Variants in GALNT18 observed in about 807,000 individuals in gnomAD.
GALNT18 encodes polypeptide N-acetylgalactosaminyltransferase 18.
A neutral mutation model predicts 69.5 loss-of-function variants in GALNT18; 44 were observed. The ratio of observed to expected loss-of-function variants is 0.63; its 90% CI spans 0.50 to 0.81. GALNT18 has a LOEUF of 0.81. Ranked by LOEUF, GALNT18 falls within the 40% of genes least tolerant of loss-of-function variation. GALNT18 has a pLI of 0.00. For missense variants in GALNT18, 715 were observed against 810.0 expected (o/e 0.88, Z 1.42); for synonymous variants, 364 against 318.2 (o/e 1.14, Z -1.53).
intron 3 of GALNT18, among the ~76,000 whole-genome samples, chr11:11,414,193 T>G (rs1854799251): frequency 6.6e-6 from 1 of 152,232 alleles, no homozygotes; most frequent in South Asian, 2.1e-4. Flanking sequence ...CAGATGATTT[T>G]CCTGTGGCTA....
chr11:11,551,873 G>A (rs1276322246), intron 1 of GALNT18, among the ~76,000 whole-genome samples: 2 of 152,106 alleles, frequency 1.3e-5, no homozygotes, highest in East Asian at 1.9e-4. Context: ...CGAGCAGGGG[G>A]TGGATCTCAC....
intron 1 of GALNT18, among the ~76,000 whole-genome samples, chr11:11,612,428 G>C (rs765663330): frequency 6.6e-6 from 1 of 152,098 alleles, no homozygotes; most frequent in South Asian, 2.1e-4. Flanking sequence ...CTCATTTGTC[G>C]CTTCAAATCT....
rs186424944 is a variant in GALNT18, at chr11:11,402,424, C to T, written c.596-23160G>A. Among the ~76,000 whole-genome samples the T allele has an allele frequency of 6.6e-6, 1 of 152,350 alleles. No homozygotes were observed. The highest frequency in any genetic ancestry group is 6.5e-5 in the Admixed American group (1 of 15,310). The stretch of plus-strand genomic sequence containing the variant: ...ACTGCTTTTATCTTATTGAACCAGG[C>T]TTTGATGGTGGGTGGCTTCCTCTGA... On this transcript the variant is annotated intron_variant, in intron 3 of 10. Transcript: ENST00000227756. This position sits in a 1 kb window ranked among gnomAD's most constrained non-coding sequence, Gnocchi z 4.0.
Position 11,382,085 on chromosome 11 carries a change from G to A in GALNT18, c.596-2821C>T, listed in dbSNP as rs777854599. Among the ~76,000 whole-genome samples the A allele has an allele frequency of 7.2e-5, 11 of 152,182 alleles. No homozygotes were observed. The highest frequency in any genetic ancestry group is 1.3e-4 in the Non-Finnish European group (9 of 68,030). Reference sequence around the variant, plus strand: ...AGGAGCTACTTGCCTCTTTGTACCTGCGAGCTCTGTTAACACTGAGCTAGA... The same window carrying A: ...AGGAGCTACTTGCCTCTTTGTACCTACGAGCTCTGTTAACACTGAGCTAGA... On this transcript the variant is annotated intron_variant, in intron 3 of 10. Transcript: ENST00000227756. The surrounding 1 kb of genome is among the most constrained non-coding windows in gnomAD (Gnocchi z 4.3).
chr11:11,409,985 C>T (rs1343759397), intron 3 of GALNT18, among the ~76,000 whole-genome samples: 4 of 152,218 alleles, frequency 2.6e-5, no homozygotes, highest in Non-Finnish European at 5.9e-5. Context: ...ACCAGGGTTA[C>T]GCCCTGCAGC....
At chr11:11,293,254 T>C (rs1420240386) in intron 9 of GALNT18, 61 bp from the exon 10 acceptor site, 5 of 1,277,936 alleles carry the variant, frequency 3.9e-6, no homozygotes, top group Non-Finnish European at 5.0e-6. Context: ...GACAGGAGCA[T>C]AGGTGGTGAT....
Position 11,339,558 on chromosome 11 carries a change from ACC to A in GALNT18, c.1278+1259_1278+1260del. 6.6e-6 allele frequency among the ~76,000 whole-genome samples: 1 copy of A among 152,058 alleles called. No individual in the cohort carries two copies. The highest frequency in any genetic ancestry group is 1.5e-5 in the Non-Finnish European group (1 of 68,018). The stretch of plus-strand genomic sequence containing the variant: ...CAGGACACCTACCACAGGGCTTGGC[ACC>A]CCGTGCAGAATACCGTGATTCAATC... On this transcript the variant is annotated intron_variant, in intron 7 of 10. Coordinates refer to ENST00000227756, the MANE Select transcript of GALNT18 (RefSeq NM_198516.3). This position sits in a 1 kb window ranked among gnomAD's most constrained non-coding sequence, Gnocchi z 5.2.
chr11:11,368,372 A>C (rs1168514163), intron 6 of GALNT18, among the ~76,000 whole-genome samples: 1 of 152,188 alleles, frequency 6.6e-6, no homozygotes, highest in Non-Finnish European at 1.5e-5. Flanking sequence ...GGAAAATTTT[A>C]AGCCATCATT....
intron 1 of GALNT18, among the ~76,000 whole-genome samples, chr11:11,607,988 G>A (rs2133957092): frequency 6.6e-6 from 1 of 152,280 alleles, no homozygotes; most frequent in Admixed American, 6.5e-5. Context: ...CCACAAACAA[G>A]GGCAGGTCCC....
chr11:11,619,180 C>T lies in GALNT18; in HGVS notation c.235+2179G>A, dbSNP rs1439156045. ...CAGTCTTTCCAAGTCACTGACCCTTCCCTACCTTCCTATAGGTGGCAGCTT... is the reference window on the plus strand; with the variant it reads ...CAGTCTTTCCAAGTCACTGACCCTTTCCTACCTTCCTATAGGTGGCAGCTT... On this transcript the variant is annotated intron_variant, in intron 1 of 10. Transcript: ENST00000227756. This position sits in a 1 kb window ranked among gnomAD's most constrained non-coding sequence, Gnocchi z 4.9. 6.6e-6 allele frequency among the ~76,000 whole-genome samples: 1 copy of T among 152,196 alleles called. No homozygotes were observed. The highest frequency in any genetic ancestry group is 1.5e-5 in the Non-Finnish European group (1 of 68,024).
chr11:11,320,837 A>T lies in GALNT18; in HGVS notation c.1512+6249T>A, dbSNP rs1849829239. On this transcript the variant is annotated intron_variant, in intron 9 of 10. Transcript: ENST00000227756. This position sits in a 1 kb window ranked among gnomAD's most constrained non-coding sequence, Gnocchi z 4.9. Reference sequence around the variant, plus strand: ...GCCACAGCCTCAACAGAGTCCTGCCACAGCAGCATCCCTACCCCTTCCTGG... The same window carrying T: ...GCCACAGCCTCAACAGAGTCCTGCCTCAGCAGCATCCCTACCCCTTCCTGG... Among the ~76,000 whole-genome samples, 1 of 152,174 alleles carries T rather than the reference A, an allele frequency of 6.6e-6. No individual in the cohort carries two copies. The highest frequency in any genetic ancestry group is 6.5e-5 in the Admixed American group (1 of 15,282).
intron 2 of GALNT18, among the ~76,000 whole-genome samples, chr11:11,441,206 C>A (rs1007715860): frequency 1.3e-5 from 2 of 152,332 alleles, no homozygotes; most frequent in African/African-American, 4.8e-5. Context: ...TAACATTATA[C>A]TCTTGGCCCA....
At chr11:11,280,424 A>G (rs1849047256) in intron 10 of GALNT18, among the ~76,000 whole-genome samples, 1 of 151,074 alleles carries the variant, frequency 6.6e-6, no homozygotes, top group South Asian at 2.1e-4. Flanking sequence ...GAAGGATCTC[A>G]CCCCCTCCCA....
Position 11,619,377 on chromosome 11 carries a change from T to C in GALNT18, c.235+1982A>G, listed in dbSNP as rs55732106. On this transcript the variant is annotated intron_variant, in intron 1 of 10. Coordinates refer to ENST00000227756, the MANE Select transcript of GALNT18 (RefSeq NM_198516.3). The surrounding 1 kb of genome is among the most constrained non-coding windows in gnomAD (Gnocchi z 4.9). ...CTGAACAACACATAGTTATAAAGTT[T>C]CCGGGGAGAAAAATCACAATGCTTC... Among the ~76,000 whole-genome samples, 17,282 of 152,196 alleles carry C rather than the reference T, an allele frequency of 0.11. 1,335 individuals carry two copies. The highest frequency in any genetic ancestry group is 0.17 in the South Asian group (825 of 4,824).
rs936288229 is a variant in GALNT18 at position 11,465,135 on chromosome 11, C to A, written c.236-16199G>T. On this transcript the variant is annotated intron_variant, in intron 1 of 10. Transcript: ENST00000227756. This position sits in a 1 kb window ranked among gnomAD's most constrained non-coding sequence, Gnocchi z 5.7. ...GAGAGAATACAGATCCCACTGGTAA[C>A]CTGGGCGAGGTGCCTTGGGATGCCT... is the stretch of plus-strand genomic sequence containing the variant. 6.6e-6 allele frequency among the ~76,000 whole-genome samples: 1 copy of A among 152,190 alleles called. No homozygotes were observed. Among genetic ancestry groups the A allele is most frequent in the Non-Finnish European group, 1.5e-5 (1 of 68,040 alleles).
chr11:11,490,724 G>A (rs542879257), intron 1 of GALNT18, among the ~76,000 whole-genome samples: 2 of 152,264 alleles, frequency 1.3e-5, no homozygotes, highest in African/African-American at 4.8e-5. Flanking sequence ...AGAAGGTCCA[G>A]AAGGTGTGCT....
intron 10 of GALNT18, among the ~76,000 whole-genome samples, chr11:11,279,936 G>A (rs1052987301): frequency 6.6e-6 from 1 of 151,812 alleles, no homozygotes; most frequent in East Asian, 1.9e-4. Flanking sequence ...TCCCTGAGAA[G>A]GGACTTTGAG....
At chr11:11,609,522 T>A (rs1010937695) in intron 1 of GALNT18, among the ~76,000 whole-genome samples, 7 of 152,080 alleles carry the variant, frequency 4.6e-5, no homozygotes, top group Admixed American at 1.3e-4. Flanking sequence ...CACTGATACA[T>A]CCCCAGCACA....
rs1054813756 is a variant in GALNT18, at chr11:11,620,290, C to T, written c.235+1069G>A. On this transcript the variant is annotated intron_variant, in intron 1 of 10. Transcript: ENST00000227756. This position sits in a 1 kb window ranked among gnomAD's most constrained non-coding sequence, Gnocchi z 6.9. Reference sequence around the variant, plus strand: ...CACACCTGGAAGAAAGCAGGGGGCGCGGGGAGGGGAGGAAGTGTGGACGTG... The same window carrying T: ...CACACCTGGAAGAAAGCAGGGGGCGTGGGGAGGGGAGGAAGTGTGGACGTG... 2.1e-4 allele frequency among the ~76,000 whole-genome samples: 31 copies of T among 148,288 alleles called. No homozygotes were observed. The highest frequency in any genetic ancestry group is 7.8e-4 in the African/African-American group (31 of 39,948).
Sources: gnomAD v4.1 joint callset for allele counts (sites outside exome capture counted in the v4.1 genomes callset) on GRCh38, gnomAD v4.1.1 for gene constraint, Gnocchi (gnomAD v3.1) non-coding constraint, MANE v1.5 for transcripts, NCBI Gene and HGNC (gene_info 2026-07-23, HGNC 2026-07-21) for gene names.